FMN2: variants seen among roughly 807,000 people sequenced by gnomAD.
FMN2 encodes the protein formin-2.
FMN2 carries 51 observed loss-of-function variants against 142.3 expected under a neutral mutation model. The ratio of observed to expected loss-of-function variants is 0.36; its 90% CI spans 0.29 to 0.45. The LOEUF (loss-of-function observed/expected upper bound fraction) is 0.45, where lower values mean the gene tolerates loss of function less well. FMN2 is among the 20% of genes least tolerant of loss of function. The pLI, the probability that FMN2 is intolerant of heterozygous loss-of-function variation, is 1.00. For missense variants in FMN2, 1,936 were observed against 2,122.8 expected (o/e 0.91, Z 1.73); for synonymous variants, 882 against 869.8 (o/e 1.01, Z -0.25).
At chr1:240,385,205 A>G (rs1283262427) in intron 14 of FMN2, among the ~76,000 whole-genome samples, 1 of 152,174 alleles carries the variant, frequency 6.6e-6, no homozygotes, top group Non-Finnish European at 1.5e-5. Flanking sequence ...GTGTTTTGAT[A>G]GTTTGAATCC....
chr1:240,431,244 T>A (rs1033608346), intron 15 of FMN2, among the ~76,000 whole-genome samples: 4 of 151,728 alleles, frequency 2.6e-5, no homozygotes, highest in African/African-American at 9.7e-5. Context: ...TTTTCCAGGG[T>A]GTATAAAAAT....
At chr1:240,313,030 A>G (rs1572182345) in intron 8 of FMN2, among the ~76,000 whole-genome samples, 1 of 152,334 alleles carries the variant, frequency 6.6e-6, no homozygotes, top group East Asian at 1.9e-4. Context: ...TCTGAAGTAC[A>G]AGGCTCAATA....
intron 2 of FMN2, chr1:240,144,637 G>A: frequency 7.8e-7 from 1 of 1,284,106 alleles, no homozygotes; most frequent in East Asian, 2.3e-5. Context: ...AACGCAGTAG[G>A]ACTGAGTTCT....
chr1:240,294,894 G>A lies in FMN2; in HGVS notation c.4215+11G>A, dbSNP rs1669914337. ...GCTCTCTATGAGAATGTGAGTAATA[G>A]AAGGAATTTTATGTGTGAGTATATA... On this transcript the variant is annotated intron_variant, in intron 8 of 17. Transcript: ENST00000319653. 2 of 1,611,462 alleles carry A rather than the reference G, an allele frequency of 1.2e-6. No individual in the cohort carries two copies. Among genetic ancestry groups the A allele is most frequent in the East Asian group, 4.5e-5 (2 of 44,844 alleles).
At chr1:240,138,422 G>A (rs1449295241) in intron 2 of FMN2, among the ~76,000 whole-genome samples, 1 of 151,998 alleles carries the variant, frequency 6.6e-6, no homozygotes, top group South Asian at 2.1e-4. Flanking sequence ...CATGTGGGCC[G>A]AGCACGGTGG....
chr1:240,180,960 T>C (rs1043415235), intron 3 of FMN2, among the ~76,000 whole-genome samples: 2 of 152,138 alleles, frequency 1.3e-5, no homozygotes, highest in African/African-American at 4.8e-5. Context: ...TTGAGGACTT[T>C]TTTTTTTCCT....
chr1:240,237,636 G>T (rs1468699290), intron 6 of FMN2, among the ~76,000 whole-genome samples: 1 of 152,074 alleles, frequency 6.6e-6, no homozygotes, highest in East Asian at 1.9e-4. Flanking sequence ...GAATTTCATT[G>T]GAGCATTAAG....
At chr1:240,385,350 ATTAGTAAG>A (rs1325908516) in intron 14 of FMN2, among the ~76,000 whole-genome samples, 4 of 152,172 alleles carry the variant, frequency 2.6e-5, no homozygotes, top group Non-Finnish European at 5.9e-5. Context: ...TCAGCCTGGT[ATTAGTAAG>A]TATGTATGCT....
At chr1:240,266,911 C>T (rs947912227) in intron 7 of FMN2, among the ~76,000 whole-genome samples, 1 of 151,874 alleles carries the variant, frequency 6.6e-6, no homozygotes, top group Admixed American at 6.6e-5. Flanking sequence ...TGAAACTGGA[C>T]CCCCAAAAAA....
chr1:240,354,101 G>A (rs545789447), intron 13 of FMN2, among the ~76,000 whole-genome samples: 1 of 152,272 alleles, frequency 6.6e-6, no homozygotes, highest in East Asian at 1.9e-4. Context: ...AGAGGGCAGA[G>A]GTCACTGAAC....
intron 15 of FMN2, among the ~76,000 whole-genome samples, chr1:240,406,137 G>C (rs188798651): frequency 0.13 from 7,187 of 54,652 alleles, 743 homozygotes; most frequent in Non-Finnish European, 0.15. Context: ...CCTCGGGAGT[G>C]GGGGGAGCGA....
At chr1:240,395,014 A>G (rs570727329) in intron 15 of FMN2, among the ~76,000 whole-genome samples, 1 of 152,294 alleles carries the variant, frequency 6.6e-6, no homozygotes, top group African/African-American at 2.4e-5. Context: ...AGCTTCAGAA[A>G]ACAGGATGAC....
At chr1:240,233,625 A>G (rs1345535607) in intron 6 of FMN2, among the ~76,000 whole-genome samples, 1 of 152,244 alleles carries the variant, frequency 6.6e-6, no homozygotes, top group Non-Finnish European at 1.5e-5. Flanking sequence ...TATAAATCTT[A>G]CAAAGAATAG....
Position 240,333,963 on chromosome 1 carries a change from A to G in FMN2, c.4644+17A>G, listed in dbSNP as rs187001749. On this transcript the variant is annotated intron_variant, in intron 12 of 17. Transcript: ENST00000319653. Reference sequence around the variant, plus strand: ...TTTGATGAGGTAAGACAATTTTTACATATAGTCATATTCCATTATTCTTTA... The same window carrying G: ...TTTGATGAGGTAAGACAATTTTTACGTATAGTCATATTCCATTATTCTTTA... 811 of 1,599,970 alleles carry G rather than the reference A, an allele frequency of 5.1e-4. 7 individuals are homozygous for G. The African/African-American group carries it at 9.9e-3, about 19-fold the overall frequency.
intron 7 of FMN2, among the ~76,000 whole-genome samples, chr1:240,264,093 GTTTA>G (rs1668717335): frequency 6.6e-6 from 1 of 152,104 alleles, no homozygotes. Flanking sequence ...TTCCCAAACA[GTTTA>G]TTTAAATTAT....
At chr1:240,140,677 G>A (rs1242616993) in intron 2 of FMN2, among the ~76,000 whole-genome samples, 1 of 146,078 alleles carries the variant, frequency 6.8e-6, no homozygotes, top group East Asian at 2.2e-4. Flanking sequence ...GGGTGGGTGG[G>A]AAGTCTCTTC....
At chr1:240,351,675 T>G (rs1572219943) in intron 13 of FMN2, among the ~76,000 whole-genome samples, 2 of 152,222 alleles carry the variant, frequency 1.3e-5, no homozygotes, top group African/African-American at 4.8e-5. Context: ...GTTTCAACAT[T>G]AGAGTAAAAA....
intron 2 of FMN2, among the ~76,000 whole-genome samples, chr1:240,146,993 C>T (rs974619534): frequency 7.2e-5 from 11 of 152,080 alleles, no homozygotes; most frequent in Admixed American, 1.3e-4. Flanking sequence ...AATTAGACCC[C>T]GTGGTGAATG....
Position 240,140,855 on chromosome 1 carries a change from C to T in FMN2, c.1782+17510C>T, listed in dbSNP as rs369417713. ...TGAGGGAATAATAAAAACACCAAAA[C>T]TGAAGAAGACAAGTATTTAATATAG... On this transcript the variant is annotated intron_variant, in intron 2 of 17. Coordinates refer to ENST00000319653, the MANE Select transcript of FMN2 (RefSeq NM_020066.5). Among the ~76,000 whole-genome samples, 10 of 152,170 alleles carry T rather than the reference C, an allele frequency of 6.6e-5. No homozygotes were observed. In the East Asian group the frequency reaches 1.7e-3, roughly 26 times the overall value.
Sources: allele counts gnomAD v4.1 joint callset (sites outside exome capture counted in the v4.1 genomes callset), GRCh38; gene constraint gnomAD v4.1.1; transcripts MANE v1.5; gene names NCBI Gene and HGNC (gene_info 2026-07-23, HGNC 2026-07-21).